The following ZNF469 variants were observed in gnomAD, a reference collection of about 807,000 sequenced individuals.
ZNF469 encodes the protein zinc finger protein 469.
ZNF469 carries 1 observed loss-of-function variant against 1.0 expected under a neutral mutation model. That is an observed-to-expected ratio of 1.00 (90% confidence interval 0.35 to 4.73). ZNF469 has a LOEUF of 4.73. Ranked by LOEUF, ZNF469 falls within the 30% of genes most tolerant of loss-of-function variation. ZNF469 has a pLI of 0.16. For synonymous variants in ZNF469, 2,703 were observed against 2,363.4 expected (o/e 1.14, Z -4.17); for missense variants, 6,100 against 5,356.3 (o/e 1.14, Z -4.33).
the ZNF469 span, among the ~76,000 whole-genome samples, chr16:88,124,010 T>C: frequency 5.9e-5 from 9 of 152,114 alleles, no homozygotes; most frequent in Non-Finnish European, 1.2e-4. Flanking sequence ...TCCATCTTGG[T>C]CAGGCTGGTC....
At chr16:88,118,162 C>CA in the ZNF469 span, among the ~76,000 whole-genome samples, 321 of 152,344 alleles carry the variant, frequency 2.1e-3, 1 homozygote, top group African/African-American at 7.0e-3. Flanking sequence ...AGGCTGCTCT[C>CA]AAACTCCTGA....
At chr16:88,269,003 G>C in the ZNF469 span, among the ~76,000 whole-genome samples, 3 of 152,326 alleles carry the variant, frequency 2.0e-5, no homozygotes, top group South Asian at 4.1e-4. Flanking sequence ...GCCGGGAGGA[G>C]AGATGGTATT....
At chr16:88,151,905 C>T in the ZNF469 span, among the ~76,000 whole-genome samples, 2 of 152,186 alleles carry the variant, frequency 1.3e-5, no homozygotes, top group African/African-American at 2.4e-5. This position sits in a 1 kb window ranked among gnomAD's most constrained non-coding sequence, Gnocchi z 5.4. Context: ...AGTCATGGAA[C>T]CCAGAAACTC....
chr16:88,102,207 T>C, the ZNF469 span, among the ~76,000 whole-genome samples: 1 of 152,082 alleles, frequency 6.6e-6, no homozygotes, highest in South Asian at 2.1e-4. Context: ...CGGTGGCTTT[T>C]TGGATAAAAA....
chr16:88,153,100 G>T, the ZNF469 span, among the ~76,000 whole-genome samples: 1 of 152,210 alleles, frequency 6.6e-6, no homozygotes, highest in Non-Finnish European at 1.5e-5. Context: ...GCTGCCCCGG[G>T]CAGGTTGGCG....
At chr16:88,360,211 G>T in the ZNF469 span, among the ~76,000 whole-genome samples, 4 of 151,722 alleles carry the variant, frequency 2.6e-5, no homozygotes, top group Non-Finnish European at 5.9e-5. Flanking sequence ...GTAGAGATGA[G>T]GTTTCTCCAC....
chr16:88,164,445 A>G, the ZNF469 span, among the ~76,000 whole-genome samples: 1 of 151,642 alleles, frequency 6.6e-6, no homozygotes, highest in Non-Finnish European at 1.5e-5. Flanking sequence ...GGATGAATGG[A>G]TGCACGGATG....
chr16:88,196,182 G>A, the ZNF469 span, among the ~76,000 whole-genome samples: 3 of 152,328 alleles, frequency 2.0e-5, no homozygotes, highest in African/African-American at 7.2e-5. Context: ...TGCTGATGGC[G>A]TGAAGTTGCT....
chr16:88,331,888 C>T, the ZNF469 span, among the ~76,000 whole-genome samples: 3 of 152,246 alleles, frequency 2.0e-5, no homozygotes. Context: ...TTTCTGGAGA[C>T]ACCCATGAGT....
At chr16:88,195,992 G>A in the ZNF469 span, among the ~76,000 whole-genome samples, 57 of 152,354 alleles carry the variant, frequency 3.7e-4, no homozygotes, top group East Asian at 3.9e-4. Flanking sequence ...AGGCTGCGTC[G>A]TGATCCACAG....
the ZNF469 span, among the ~76,000 whole-genome samples, chr16:88,144,872 C>T: frequency 2.7e-5 from 4 of 149,766 alleles, no homozygotes; most frequent in South Asian, 4.3e-4. Context: ...CTTTTTGAGG[C>T]GGGGTCTCGC....
At chr16:88,405,704 G>A (rs1905009830) in intron 1 of ZNF469, among the ~76,000 whole-genome samples, 1 of 152,186 alleles carries the variant, frequency 6.6e-6, no homozygotes, top group Non-Finnish European at 1.5e-5. Flanking sequence ...CCCAGGAAGT[G>A]CACGTGGGTG....
At chr16:88,225,785 C>G in the ZNF469 span, among the ~76,000 whole-genome samples, 1 of 152,204 alleles carries the variant, frequency 6.6e-6, no homozygotes, top group Non-Finnish European at 1.5e-5. Context: ...TCCCCACACA[C>G]GGACCTGCCA....
At chr16:88,245,332 C>G in the ZNF469 span, among the ~76,000 whole-genome samples, 1 of 152,336 alleles carries the variant, frequency 6.6e-6, no homozygotes, top group Admixed American at 6.5e-5. Flanking sequence ...GCTGTGGGAG[C>G]AGAGCTGTTT....
At position 88,429,504 on chromosome 16, in the gene ZNF469, C is replaced by T. The variant is rs58401704; in HGVS notation, c.2034C>T (p.Ala678=). Residue 678 remains alanine, a synonymous_variant, in exon 3 of 3, where the codon GCC becomes GCT. Coordinates refer to ENST00000565624, the MANE Select transcript of ZNF469 (RefSeq NM_001367624.2). Reference sequence around the variant, plus strand: ...CTTTTCCCGCAGATGGGCTGGGAGCCGAGGGTGCCTTCCAGTGCCTGGAGG... The same window carrying T: ...CTTTTCCCGCAGATGGGCTGGGAGCTGAGGGTGCCTTCCAGTGCCTGGAGG... ...AFPFPADGLG[A]EGAFQCLEET... The T allele has an allele frequency of 2.2e-3, 3,469 of 1,550,086 alleles. 66 individuals are homozygous for T. In the African/African-American group the frequency reaches 0.043, roughly 19 times the overall value.
intron 1 of ZNF469, among the ~76,000 whole-genome samples, chr16:88,401,950 GGGAAGATGGATGGGTGGATGGATA>G (rs1567501835): frequency 0.025 from 691 of 28,038 alleles, 1 homozygote; most frequent in East Asian, 0.096. Context: ...GTGGGTGGAT[GGGAAGATGGATGGGTGGATGGATA>G]GATACGTGGG....
the ZNF469 span, among the ~76,000 whole-genome samples, chr16:88,148,678 C>T: frequency 2.6e-5 from 4 of 152,178 alleles, no homozygotes; most frequent in Non-Finnish European, 5.9e-5. Context: ...TGGGCTCCTC[C>T]CTCTGGGCTT....
the ZNF469 span, among the ~76,000 whole-genome samples, chr16:88,267,522 G>A: frequency 6.6e-6 from 1 of 152,236 alleles, no homozygotes; most frequent in Non-Finnish European, 1.5e-5. Flanking sequence ...CACGTGGTCA[G>A]TGAGGCTGGA....
chr16:88,122,802 T>C, the ZNF469 span, among the ~76,000 whole-genome samples: 10 of 150,066 alleles, frequency 6.7e-5, no homozygotes, highest in Non-Finnish European at 1.5e-5. Flanking sequence ...TGTATATATA[T>C]GTATATATAT....
Sources: gnomAD v4.1 joint callset for allele counts (sites outside exome capture counted in the v4.1 genomes callset) on GRCh38, gnomAD v4.1.1 for gene constraint, Gnocchi (gnomAD v3.1) non-coding constraint, MANE v1.5 for transcripts, NCBI Gene and HGNC (gene_info 2026-07-23, HGNC 2026-07-21) for gene names.